The following MSRA variants were observed in gnomAD, a reference collection of about 807,000 sequenced individuals.
MSRA encodes methionine sulfoxide reductase A, also known as mitochondrial peptide methionine sulfoxide reductase.
MSRA carries 54 observed loss-of-function variants against 31.3 expected under a neutral mutation model. The ratio of observed to expected loss-of-function variants is 1.73; its 90% CI spans 1.39 to 2.17. MSRA has a LOEUF of 2.17. Among genes scored for constraint, MSRA ranks in the 30% most tolerant of loss-of-function variants. The pLI, the probability that MSRA is intolerant of heterozygous loss-of-function variation, is 0.00. For missense variants in MSRA, 507 were observed against 300.9 expected, an observed-to-expected ratio of 1.69 and a Z score of -5.07; for synonymous variants, 169 against 116.5, an observed-to-expected ratio of 1.45 and a Z score of -2.90.
chr8:10,274,616 G>T (rs1026380069), intron 3 of MSRA, among the ~76,000 whole-genome samples: 29 of 152,094 alleles, frequency 1.9e-4, no homozygotes, highest in African/African-American at 5.6e-4. Context: ...ATAGAGGTCA[G>T]CCTACCCATT....
At position 10,189,294 on chromosome 8, in the gene MSRA, G is replaced by A. The variant is rs562978951; in HGVS notation, c.143-18539G>A. On this transcript the variant is annotated intron_variant, in intron 1 of 5. Transcript: ENST00000317173. ...TTACTTACACAATCATGTTGTCTGC[G>A]TATAAAGTATTTTCCTTCTTTCATT... Among the ~76,000 whole-genome samples the A allele has an allele frequency of 5.9e-5, 9 of 152,144 alleles. No homozygotes were observed. In the South Asian group the frequency reaches 1.2e-3, roughly 21 times the overall value.
chr8:10,179,902 C>T (rs1316471622), intron 1 of MSRA, among the ~76,000 whole-genome samples: 1 of 152,168 alleles, frequency 6.6e-6, no homozygotes, highest in African/African-American at 2.4e-5. Flanking sequence ...CAAAGTTGTT[C>T]TAAGTGGGAA....
At chr8:10,173,867 G>T (rs916895141) in intron 1 of MSRA, among the ~76,000 whole-genome samples, 1 of 152,174 alleles carries the variant, frequency 6.6e-6, no homozygotes, top group Non-Finnish European at 1.5e-5. Context: ...TTTGTCTGCT[G>T]CATAAAGACA....
intron 1 of MSRA, among the ~76,000 whole-genome samples, chr8:10,144,892 A>G (rs890598082): frequency 6.6e-5 from 10 of 152,044 alleles, no homozygotes; most frequent in Admixed American, 3.9e-4. Context: ...TGTAAACCCC[A>G]TGATTATTGC....
At chr8:10,175,656 A>G (rs1215120180) in intron 1 of MSRA, among the ~76,000 whole-genome samples, 1 of 152,244 alleles carries the variant, frequency 6.6e-6, no homozygotes, top group Admixed American at 6.5e-5. Flanking sequence ...CGTACTGGCT[A>G]GTGTGTTGAA....
chr8:10,309,299 C>T (rs967850148), intron 4 of MSRA, among the ~76,000 whole-genome samples: 3 of 152,272 alleles, frequency 2.0e-5, no homozygotes, highest in South Asian at 2.1e-4. Context: ...TTCTCAGTGT[C>T]GGGGCGCACA....
At chr8:10,098,013 A>T (rs1248691691) in intron 1 of MSRA, among the ~76,000 whole-genome samples, 1 of 152,158 alleles carries the variant, frequency 6.6e-6, no homozygotes, top group Non-Finnish European at 1.5e-5. Flanking sequence ...TATAATAGAC[A>T]CGTCTTTGTG....
chr8:10,318,088 CAGA>C (rs1463462018), intron 4 of MSRA, among the ~76,000 whole-genome samples: 1 of 152,200 alleles, frequency 6.6e-6, no homozygotes, highest in African/African-American at 2.4e-5. Flanking sequence ...ACCCTACATC[CAGA>C]AGCACTTTGT....
At chr8:10,064,653 A>G (rs1797368833) in intron 1 of MSRA, among the ~76,000 whole-genome samples, 1 of 152,234 alleles carries the variant, frequency 6.6e-6, no homozygotes, top group African/African-American at 2.4e-5. Flanking sequence ...ATGTTACCAT[A>G]GGAAAGTAAT....
intron 5 of MSRA, among the ~76,000 whole-genome samples, chr8:10,414,440 C>G (rs1808338366): frequency 6.6e-6 from 1 of 152,210 alleles, no homozygotes; most frequent in South Asian, 2.1e-4. Context: ...CCCACCATCT[C>G]AGTTTGCCAG....
chr8:10,152,655 T>A (rs954959498), intron 1 of MSRA, among the ~76,000 whole-genome samples: 1 of 152,176 alleles, frequency 6.6e-6, no homozygotes, highest in Non-Finnish European at 1.5e-5. Flanking sequence ...CCCCAAAAAA[T>A]CATATGAAGA....
At chr8:10,263,952 C>T (rs1028200372) in intron 3 of MSRA, among the ~76,000 whole-genome samples, 1 of 152,176 alleles carries the variant, frequency 6.6e-6, no homozygotes, top group African/African-American at 2.4e-5. Flanking sequence ...CCTATTCACT[C>T]AAGTAAATAA....
intron 1 of MSRA, among the ~76,000 whole-genome samples, chr8:10,185,866 G>T (rs1360864225): frequency 6.6e-6 from 1 of 151,822 alleles, no homozygotes; most frequent in Non-Finnish European, 1.5e-5. Context: ...TCTCACAACA[G>T]CTCCATAAGA....
intron 1 of MSRA, among the ~76,000 whole-genome samples, chr8:10,126,798 G>T (rs1389083473): frequency 2.0e-5 from 3 of 152,224 alleles, no homozygotes; most frequent in Non-Finnish European, 4.4e-5. Context: ...ACAGGCATGA[G>T]CCACCATGTC....
intron 1 of MSRA, among the ~76,000 whole-genome samples, chr8:10,153,733 T>A (rs1030458635): frequency 3.3e-5 from 5 of 152,180 alleles, no homozygotes; most frequent in African/African-American, 1.2e-4. Flanking sequence ...TAACAAAGTG[T>A]TCGCTATCAC....
At chr8:10,085,070 A>G (rs1245972995) in intron 1 of MSRA, among the ~76,000 whole-genome samples, 1 of 152,196 alleles carries the variant, frequency 6.6e-6, no homozygotes, top group East Asian at 1.9e-4. Flanking sequence ...AAAATCGTGA[A>G]CACAGTGCTC....
At chr8:10,420,221 G>C (rs1482180126) in intron 5 of MSRA, among the ~76,000 whole-genome samples, 1 of 150,514 alleles carries the variant, frequency 6.6e-6, no homozygotes, top group Non-Finnish European at 1.5e-5. Context: ...GAGGGAGCTA[G>C]AGGAGTCAAA....
intron 5 of MSRA, among the ~76,000 whole-genome samples, chr8:10,351,698 T>A (rs1165049737): frequency 6.6e-6 from 1 of 152,240 alleles, no homozygotes; most frequent in Non-Finnish European, 1.5e-5. Flanking sequence ...GTAAGAAGAC[T>A]TGTGGTGTGG....
chr8:10,085,864 G>T (rs1798534428), intron 1 of MSRA, among the ~76,000 whole-genome samples: 1 of 152,184 alleles, frequency 6.6e-6, no homozygotes, highest in Non-Finnish European at 1.5e-5. Context: ...CTCTGTATGG[G>T]CTTTTCCACC....
Sources: gnomAD v4.1 joint callset for allele counts (sites outside exome capture counted in the v4.1 genomes callset) on GRCh38, gnomAD v4.1.1 for gene constraint, MANE v1.5 for transcripts, NCBI Gene and HGNC (gene_info 2026-07-23, HGNC 2026-07-21) for gene names.